The following CHCHD3 variants were observed in gnomAD, a reference collection of about 807,000 sequenced individuals.
CHCHD3 encodes the protein MICOS complex subunit MIC19.
In CHCHD3, 20 loss-of-function variants were observed where a neutral mutation model predicts 38.2. The observed-to-expected ratio is 0.52, with a 90% CI of 0.37 to 0.76. CHCHD3 has a LOEUF of 0.76. Among genes scored for constraint, CHCHD3 ranks in the 30% least tolerant of loss-of-function variants. CHCHD3 has a pLI of 0.00. For missense variants in CHCHD3, 245 were observed against 279.2 expected, an observed-to-expected ratio of 0.88 and a Z score of 0.87; for synonymous variants, 82 against 100.0, an observed-to-expected ratio of 0.82 and a Z score of 1.07.
intron 5 of CHCHD3, among the ~76,000 whole-genome samples, chr7:132,882,991 G>A (rs907497262): frequency 6.6e-6 from 1 of 152,028 alleles, no homozygotes; most frequent in South Asian, 2.1e-4. Flanking sequence ...TGATAAGTGA[G>A]AGAGTTCTCA....
At chr7:132,844,320 A>G (rs777550682) in intron 5 of CHCHD3, among the ~76,000 whole-genome samples, 4 of 150,364 alleles carry the variant, frequency 2.7e-5, no homozygotes, top group African/African-American at 5.0e-5. Flanking sequence ...AAATGTGGAG[A>G]AAGAAAGATG....
chr7:132,994,486 T>C (rs1216558225), intron 3 of CHCHD3, among the ~76,000 whole-genome samples: 1 of 152,234 alleles, frequency 6.6e-6, no homozygotes, highest in Non-Finnish European at 1.5e-5. Flanking sequence ...TCAGCCAATC[T>C]GAGGGAAGAG....
At chr7:133,034,767 G>A (rs777023340) in intron 2 of CHCHD3, 31 of 1,613,238 alleles carry the variant, frequency 1.9e-5, no homozygotes, top group Admixed American at 8.3e-5. Flanking sequence ...TGGACTCAGC[G>A]GAAAGGCAAG....
At chr7:132,821,701 G>C (rs943784722) in intron 6 of CHCHD3, among the ~76,000 whole-genome samples, 1 of 150,966 alleles carries the variant, frequency 6.6e-6, no homozygotes, top group African/African-American at 2.4e-5. Flanking sequence ...TAATAAGAAT[G>C]GATCAGCCCT....
At chr7:133,012,591 C>T (rs1254002357) in intron 3 of CHCHD3, among the ~76,000 whole-genome samples, 2 of 151,890 alleles carry the variant, frequency 1.3e-5, no homozygotes, top group African/African-American at 2.4e-5. Flanking sequence ...AGGTGAATCC[C>T]TGCCTCTAAC....
rs1809765454 is a variant in CHCHD3, at chr7:132,905,140, CTAATG to C, written c.370-19400_370-19396del. 7.2e-5 allele frequency among the ~76,000 whole-genome samples: 11 copies of C among 151,904 alleles called. No individual in the cohort carries two copies. The South Asian group carries it at 2.3e-3, about 32-fold the overall frequency. On this transcript the variant is annotated intron_variant, in intron 4 of 7. Transcript: ENST00000262570. ...GGAGGGATAGCATTAGGATAAATAC[CTAATG>C]TAAACGACGAGTTAATGGGTGCAGC... is the stretch of plus-strand genomic sequence containing the variant.
chr7:133,036,358 T>G (rs1434907621), intron 2 of CHCHD3, among the ~76,000 whole-genome samples: 1 of 152,214 alleles, frequency 6.6e-6, no homozygotes, highest in Non-Finnish European at 1.5e-5. Context: ...ATATTTAAAA[T>G]CTTTAAAAGA....
intron 5 of CHCHD3, among the ~76,000 whole-genome samples, chr7:132,848,885 T>G (rs1449411653): frequency 6.6e-6 from 1 of 152,108 alleles, no homozygotes; most frequent in African/African-American, 2.4e-5. Flanking sequence ...TCCCCTACCC[T>G]CCGTCTTTAC....
chr7:132,827,612 T>TA (rs1187854068), intron 6 of CHCHD3, among the ~76,000 whole-genome samples: 8 of 152,218 alleles, frequency 5.3e-5, no homozygotes, highest in Non-Finnish European at 1.2e-4. Context: ...GTATTAGAAG[T>TA]TACATACCTG....
At chr7:133,041,749 T>A (rs1173683167) in intron 2 of CHCHD3, among the ~76,000 whole-genome samples, 1 of 152,204 alleles carries the variant, frequency 6.6e-6, no homozygotes, top group Non-Finnish European at 1.5e-5. Context: ...ACTCCAGTCA[T>A]ATACGCAAAA....
chr7:132,785,572 C>T lies in CHCHD3; in HGVS notation c.*65G>A. On this transcript the variant is annotated 3_prime_UTR_variant, in exon 8 of 8. Coordinates refer to ENST00000262570, the MANE Select transcript of CHCHD3 (RefSeq NM_017812.4). ...TCTCTTCAAATGGGTTGTTTTCTCA[C>T]TAGGAAAAAAAATGTTCCATCTCTG... 1 of 1,549,528 alleles carries T rather than the reference C, an allele frequency of 6.5e-7. No homozygotes were observed. The highest frequency in any genetic ancestry group is 8.9e-7 in the Non-Finnish European group (1 of 1,122,794).
intron 4 of CHCHD3, among the ~76,000 whole-genome samples, chr7:132,904,404 A>G (rs1297195553): frequency 1.3e-5 from 2 of 152,230 alleles, no homozygotes; most frequent in East Asian, 3.8e-4. Flanking sequence ...TAGAATACAG[A>G]TTATTCTGAC....
chr7:132,893,523 G>C (rs1395554269), intron 4 of CHCHD3, among the ~76,000 whole-genome samples: 1 of 152,190 alleles, frequency 6.6e-6, no homozygotes, highest in African/African-American at 2.4e-5. Context: ...CTGTGAGGAA[G>C]GCCTGATTAA....
At chr7:133,076,747 A>T (rs1330100021) in intron 1 of CHCHD3, among the ~76,000 whole-genome samples, 2 of 152,214 alleles carry the variant, frequency 1.3e-5, no homozygotes, top group African/African-American at 4.8e-5. Flanking sequence ...GGACAAAGAG[A>T]AAGTATTTCT....
chr7:133,012,634 T>C (rs1447225374), intron 3 of CHCHD3, among the ~76,000 whole-genome samples: 4 of 151,344 alleles, frequency 2.6e-5, no homozygotes, highest in Non-Finnish European at 5.9e-5. Flanking sequence ...CATGGTGGCA[T>C]GCACCTGTAG....
rs551160587 is a variant in CHCHD3, at chr7:132,897,969, G to A, written c.370-12224C>T. ...GTGTTCGGAGTTTCTTCCTTCTGGCGGGTTCGTGGTCTCGCTGGCTCAGGA... is the reference window on the plus strand; with the variant it reads ...GTGTTCGGAGTTTCTTCCTTCTGGCAGGTTCGTGGTCTCGCTGGCTCAGGA... On this transcript the variant is annotated intron_variant, in intron 4 of 7. Coordinates refer to ENST00000262570, the MANE Select transcript of CHCHD3 (RefSeq NM_017812.4). Among the ~76,000 whole-genome samples the A allele has an allele frequency of 3.9e-5, 6 of 152,216 alleles. No homozygotes were observed. The South Asian group carries it at 8.3e-4, about 21-fold the overall frequency.
chr7:132,952,156 G>T (rs1247827728), intron 4 of CHCHD3, among the ~76,000 whole-genome samples: 1 of 152,192 alleles, frequency 6.6e-6, no homozygotes, highest in Non-Finnish European at 1.5e-5. Context: ...CCCAACTACT[G>T]GGCTGCCAAC....
chr7:133,063,527 T>G (rs1316351616), intron 2 of CHCHD3, among the ~76,000 whole-genome samples: 1 of 152,200 alleles, frequency 6.6e-6, no homozygotes, highest in Non-Finnish European at 1.5e-5. Flanking sequence ...CTTTCTGCAA[T>G]AGGGCCAATT....
chr7:133,012,626 T>C (rs1216191987), intron 3 of CHCHD3, among the ~76,000 whole-genome samples: 2 of 151,570 alleles, frequency 1.3e-5, no homozygotes, highest in African/African-American at 4.9e-5. Flanking sequence ...TAGGCAGACA[T>C]GGTGGCATGC....
Sources: gnomAD v4.1 joint callset for allele counts (sites outside exome capture counted in the v4.1 genomes callset) on GRCh38, gnomAD v4.1.1 for gene constraint, MANE v1.5 for transcripts, NCBI Gene and HGNC (gene_info 2026-07-23, HGNC 2026-07-21) for gene names.